Variants in ENOPH1 observed in about 807,000 individuals in gnomAD.
ENOPH1 encodes the protein enolase-phosphatase E1.
In ENOPH1, 14 loss-of-function variants were observed where a neutral mutation model predicts 31.1. The observed-to-expected ratio is 0.45, with a 90% CI of 0.30 to 0.70. The LOEUF is 0.70. Among genes scored for constraint, ENOPH1 ranks in the 30% least tolerant of loss-of-function variants. The probability of loss-of-function intolerance (pLI) is 0.09; values close to 1 mark genes in which losing one functional copy is unlikely to be tolerated. For missense variants in ENOPH1, 243 were observed against 321.5 expected, an observed-to-expected ratio of 0.76 and a Z score of 1.87; for synonymous variants, 127 against 123.2, an observed-to-expected ratio of 1.03 and a Z score of -0.21.
Position 82,454,887 on chromosome 4 carries a change from G to T in ENOPH1, c.522+33G>T, listed in dbSNP as rs764825564. 7 of 1,583,326 alleles carry T rather than the reference G, an allele frequency of 4.4e-6. No homozygotes were observed. In the Admixed American group the frequency reaches 1.1e-4, roughly 26 times the overall value. On this transcript the variant is annotated intron_variant, in intron 4 of 5. Transcript: ENST00000273920. ...ACCTAGTTTACTTTGTTGTTTTGAC[G>T]CTATCAAAGCATAAAATAATGAATC...
chr4:82,437,631 AT>A (rs1300056945), intron 1 of ENOPH1, among the ~76,000 whole-genome samples: 13 of 152,218 alleles, frequency 8.5e-5, no homozygotes, highest in African/African-American at 3.1e-4. Context: ...TTAAGCAGGA[AT>A]TTCAAAGTCC....
chr4:82,452,506 G>A (rs2110045735), intron 3 of ENOPH1, among the ~76,000 whole-genome samples: 1 of 152,128 alleles, frequency 6.6e-6, no homozygotes, highest in East Asian at 1.9e-4. Flanking sequence ...TGGCCAGGCT[G>A]GTCTTGAACT....
intron 4 of ENOPH1, among the ~76,000 whole-genome samples, chr4:82,455,548 A>G (rs1048391323): frequency 6.6e-6 from 1 of 152,152 alleles, no homozygotes; most frequent in Non-Finnish European, 1.5e-5. Flanking sequence ...TTGGAGGCCA[A>G]GGTGGGCGGA....
chr4:82,456,444 A>G (rs1009033525), intron 4 of ENOPH1, among the ~76,000 whole-genome samples: 10 of 152,312 alleles, frequency 6.6e-5, no homozygotes, highest in African/African-American at 2.2e-4. Flanking sequence ...GTAGAATTTC[A>G]AAACGTTTTA....
intron 1 of ENOPH1, among the ~76,000 whole-genome samples, chr4:82,431,248 G>A (rs1184179437): frequency 6.6e-6 from 1 of 152,254 alleles, no homozygotes; most frequent in African/African-American, 2.4e-5. Context: ...GCACCCGGTC[G>A]CTTCCGCAGG....
In ENOPH1 at chr4:82,456,924, G is replaced by T; in HGVS notation, c.532G>T (p.Gly178Cys). The T allele has an allele frequency of 6.2e-7, 1 of 1,613,688 alleles. No individual in the cohort carries two copies. Among genetic ancestry groups the T allele is most frequent in the Non-Finnish European group, 8.5e-7 (1 of 1,179,822 alleles). The change falls in exon 5 of 6, where the codon GGT (glycine) becomes TGT (cysteine). Residue 178 changes from glycine to cysteine, a missense_variant. Gly to Cys is a radical substitution (Grantham distance 159). Coordinates refer to ENST00000273920, the MANE Select transcript of ENOPH1 (RefSeq NM_021204.5). ...CCTTCTCTTTGTTCAGCTTGTTGATGGTCACTTTGATACCAAGATTGGACA... is the reference window on the plus strand; with the variant it reads ...CCTTCTCTTTGTTCAGCTTGTTGATTGTCACTTTGATACCAAGATTGGACA... ...TEGDILELVD[G>C]HFDTKIGHKV...
In ENOPH1 at chr4:82,454,800, T is replaced by C; in HGVS notation, c.468T>C (p.Ser156=). The change falls in exon 4 of 6, where the codon AGT becomes AGC. Residue 156 remains serine, a synonymous_variant. Transcript: ENST00000273920. ...GMKVYIYSSG[S]VEAQKLLFGH... ...AGGTGTACATCTATTCCTCAGGGAG[T>C]GTGGAGGCACAGAAACTGTTATTCG... The C allele has an allele frequency of 6.2e-7, 1 of 1,613,710 alleles. No individual in the cohort carries two copies. The highest frequency in any genetic ancestry group is 8.5e-7 in the Non-Finnish European group (1 of 1,179,912).
intron 1 of ENOPH1, among the ~76,000 whole-genome samples, chr4:82,444,297 C>A (rs951514755): frequency 4.0e-5 from 6 of 151,808 alleles, no homozygotes; most frequent in African/African-American, 1.5e-4. Flanking sequence ...TCTCGGCTCA[C>A]TACAACCTCC....
In ENOPH1 at chr4:82,447,909, C is replaced by T; in HGVS notation, c.85-11C>T. On this transcript the variant is annotated splice_polypyrimidine_tract_variant and intron_variant, in intron 1 of 5. Coordinates refer to ENST00000273920, the MANE Select transcript of ENOPH1 (RefSeq NM_021204.5). ...GCTAACTCTTGTATTTTCTTTTACT[C>T]TTTTATCCAGGACATTTTATTTCCT... The T allele has an allele frequency of 6.4e-7, 1 of 1,561,488 alleles. No individual in the cohort carries two copies. The highest frequency in any genetic ancestry group is 8.8e-7 in the Non-Finnish European group (1 of 1,140,526).
chr4:82,436,925 CGTT>C (rs1169974028), intron 1 of ENOPH1, among the ~76,000 whole-genome samples: 5 of 152,124 alleles, frequency 3.3e-5, no homozygotes, highest in South Asian at 2.1e-4. Context: ...ATCATCCTAT[CGTT>C]GTTGGAACCC....
At chr4:82,436,378 T>C (rs1721904611) in intron 1 of ENOPH1, among the ~76,000 whole-genome samples, 1 of 152,106 alleles carries the variant, frequency 6.6e-6, no homozygotes, top group African/African-American at 2.4e-5. Context: ...CTGTCTTGCG[T>C]ATATCAAGAG....
At chr4:82,455,294 C>T (rs1323317292) in intron 4 of ENOPH1, among the ~76,000 whole-genome samples, 2 of 152,058 alleles carry the variant, frequency 1.3e-5, no homozygotes, top group African/African-American at 2.4e-5. Context: ...CTTGCTAGCC[C>T]CTCTGTGTCA....
In ENOPH1 at chr4:82,460,229, G is replaced by GTTTTT; in HGVS notation, c.*110_*111insTTTTT. ...ACTTAAAAAACATATGTACACATAT[G>GTTTTT]TATGCAAGTATGTATATATGTGTAT... On this transcript the variant is annotated 3_prime_UTR_variant, in exon 6 of 6. Transcript: ENST00000273920. 8 of 1,092,660 alleles carry GTTTTT rather than the reference G, an allele frequency of 7.3e-6. No individual in the cohort carries two copies. The highest frequency in any genetic ancestry group is 9.5e-6 in the Non-Finnish European group (7 of 739,912). 67.7% of individuals were successfully genotyped at this position (1,092,660 alleles called of 1,614,324 possible). A position where few individuals can be genotyped will look rare whatever the true frequency, so the allele number is the denominator to read the frequency against.
intron 3 of ENOPH1, among the ~76,000 whole-genome samples, chr4:82,452,412 G>A (rs1411006318): frequency 2.6e-5 from 4 of 151,688 alleles, no homozygotes; most frequent in South Asian, 4.2e-4. Context: ...GGGTTCAAGC[G>A]ATTCTCCTGC....
intron 1 of ENOPH1, among the ~76,000 whole-genome samples, chr4:82,439,016 A>G (rs554862701): frequency 3.9e-5 from 6 of 152,270 alleles, no homozygotes; most frequent in South Asian, 2.1e-4. Flanking sequence ...CCCTAATCCT[A>G]TTGCACCCAT....
intron 1 of ENOPH1, among the ~76,000 whole-genome samples, chr4:82,447,015 T>G (rs1722212511): frequency 6.6e-6 from 1 of 151,592 alleles, no homozygotes; most frequent in Non-Finnish European, 1.5e-5. Context: ...CAACGGAATC[T>G]TATTCTGTCC....
chr4:82,437,151 T>G (rs1021066499), intron 1 of ENOPH1, among the ~76,000 whole-genome samples: 2 of 152,194 alleles, frequency 1.3e-5, no homozygotes, highest in Non-Finnish European at 2.9e-5. Context: ...TCTAGAACCT[T>G]CAGTATTGTG....
intron 3 of ENOPH1, among the ~76,000 whole-genome samples, chr4:82,453,645 G>A (rs540682369): frequency 2.0e-5 from 3 of 152,264 alleles, no homozygotes; most frequent in East Asian, 3.9e-4. Flanking sequence ...CATATAAAGC[G>A]GAAGACTCCA....
At chr4:82,450,003 G>C (rs946896198) in intron 2 of ENOPH1, among the ~76,000 whole-genome samples, 1 of 152,134 alleles carries the variant, frequency 6.6e-6, no homozygotes, top group Admixed American at 6.5e-5. Context: ...CAGTGGCAAA[G>C]ATCTTACATG....
Sources: gnomAD v4.1 joint callset for allele counts (sites outside exome capture counted in the v4.1 genomes callset) on GRCh38, gnomAD v4.1.1 for gene constraint, MANE v1.5 for transcripts, NCBI Gene and HGNC (gene_info 2026-07-23, HGNC 2026-07-21) for gene names.